Variants in HMGN5 observed in about 807,000 individuals in gnomAD.
HMGN5 encodes the protein high mobility group nucleosome-binding domain-containing protein 5.
A neutral mutation model predicts 9.5 loss-of-function variants in HMGN5; 4 were observed. That is an observed-to-expected ratio of 0.42 (90% confidence interval 0.21 to 0.96). The LOEUF is 0.96. HMGN5 is among the 40% of genes least tolerant of loss of function. The probability of loss-of-function intolerance (pLI) is 0.30; values close to 1 mark genes in which losing one functional copy is unlikely to be tolerated. For missense variants in HMGN5, 192 were observed against 187.5 expected, an observed-to-expected ratio of 1.02 and a Z score of -0.14; for synonymous variants, 55 against 57.1, an observed-to-expected ratio of 0.96 and a Z score of 0.16.
intron 1 of HMGN5, among the ~76,000 whole-genome samples, chrX:81,194,268 T>C (rs1027742512): frequency 9.0e-6 from 1 of 111,387 alleles, no homozygotes; most frequent in Non-Finnish European, 1.9e-5. Context: ...TCTGGAAAGA[T>C]TTCTTTAAAA....
At chrX:81,177,348 C>A (rs2075445307) in intron 1 of HMGN5, among the ~76,000 whole-genome samples, 1 of 43,533 alleles carries the variant, frequency 2.3e-5, no homozygotes, top group Non-Finnish European at 3.9e-5. Context: ...GGAGGAAGAT[C>A]TACCAAGCAA....
At chrX:81,185,214 A>G (rs761186254) in intron 1 of HMGN5, among the ~76,000 whole-genome samples, 2 of 111,945 alleles carry the variant, frequency 1.8e-5, no homozygotes, top group Non-Finnish European at 3.8e-5. Flanking sequence ...GGTGCTATGA[A>G]TATTTTAACA....
At chrX:81,201,661 C>A in intron 1 of HMGN5, 76 bp downstream of exon 1, 1 of 115,276 alleles carries the variant, frequency 8.7e-6, no homozygotes, top group Non-Finnish European at 1.8e-5. Context: ...CTACAACGAG[C>A]TAAGATCAGA....
chrX:81,177,296 T>G (rs964112117), intron 1 of HMGN5, among the ~76,000 whole-genome samples: 1 of 86,470 alleles, frequency 1.2e-5, no homozygotes, highest in African/African-American at 4.5e-5. Flanking sequence ...GACAAGCAAA[T>G]GCCAAGAGAT....
chrX:81,152,158 C>G (rs1188560309), intron 1 of HMGN5, among the ~76,000 whole-genome samples: 1 of 111,757 alleles, frequency 8.9e-6, no homozygotes, highest in African/African-American at 3.3e-5. Context: ...TCTAATTAAA[C>G]TAAAGAGCTT....
intron 1 of HMGN5, among the ~76,000 whole-genome samples, chrX:81,175,910 G>A (rs1437509352): frequency 4.5e-5 from 5 of 111,872 alleles, no homozygotes; most frequent in Non-Finnish European, 1.9e-5. Context: ...ACTGAGCTCT[G>A]AAGAGAGCAG....
chrX:81,153,583 C>CTCTCAA (rs2075373226), intron 1 of HMGN5, among the ~76,000 whole-genome samples: 1 of 6,142 alleles, frequency 1.6e-4, no homozygotes, highest in African/African-American at 5.6e-4. Context: ...CTCTCTCTCT[C>CTCTCAA]TATATATATA....
chrX:81,121,260 C>G (rs1352424998), intron 2 of HMGN5, among the ~76,000 whole-genome samples: 1 of 109,622 alleles, frequency 9.1e-6, no homozygotes, highest in Non-Finnish European at 1.9e-5. Flanking sequence ...GACAGCCCAG[C>G]GCTATGGCTG....
At position 81,185,830 on chromosome X, in the gene HMGN5, T is replaced by A. The variant is rs141101811; in HGVS notation, c.-124+15907A>T. Among the ~76,000 whole-genome samples, 980 of 111,802 alleles carry A rather than the reference T, an allele frequency of 8.8e-3. 11 individuals are homozygous for A. The highest frequency in any genetic ancestry group is 0.031 in the African/African-American group (946 of 30,841). ...TTAGGGTTTTTATCATGAAGGGATG[T>A]TGGATTTTTTTCAAATGCTTTTTTA... is the stretch of plus-strand genomic sequence containing the variant. On this transcript the variant is annotated intron_variant, in intron 1 of 6. Coordinates refer to ENST00000358130, the MANE Select transcript of HMGN5 (RefSeq NM_030763.3).
chrX:81,117,344 T>A (rs2075256700), intron 5 of HMGN5, among the ~76,000 whole-genome samples: 1 of 94,311 alleles, frequency 1.1e-5, no homozygotes, highest in Non-Finnish European at 2.0e-5. Context: ...AACCTCCTCC[T>A]CCCAGGCTCA....
In HMGN5 at chrX:81,114,574, T is replaced by C; in HGVS notation, c.*75A>G. 2.1e-6 allele frequency: 2 copies of C among 935,071 alleles called. No individual in the cohort carries two copies. Among genetic ancestry groups the C allele is most frequent in the South Asian group, 9.1e-5 (2 of 22,084 alleles). The allele number at this position is 935,071 out of a possible 1,213,427, so 77.1% of individuals were successfully genotyped here. On this transcript the variant is annotated 3_prime_UTR_variant, in exon 7 of 7. Coordinates refer to ENST00000358130, the MANE Select transcript of HMGN5 (RefSeq NM_030763.3). The stretch of plus-strand genomic sequence containing the variant: ...AAGGCTGTGTTTATAAAATTTTTGA[T>C]AAAAATATTTATCTCTATTAACTTT...
intron 1 of HMGN5, among the ~76,000 whole-genome samples, chrX:81,148,451 C>T (rs1401530798): frequency 9.0e-6 from 1 of 111,558 alleles, no homozygotes; most frequent in African/African-American, 3.3e-5. Context: ...AAACTGGATC[C>T]CTTCCTTACG....
At chrX:81,136,786 A>G (rs929334765) in intron 1 of HMGN5, among the ~76,000 whole-genome samples, 4 of 111,685 alleles carry the variant, frequency 3.6e-5, no homozygotes, top group Non-Finnish European at 1.9e-5. Flanking sequence ...ACATTACCCA[A>G]TGATATACTG....
At chrX:81,153,767 G>A (rs1006730009) in intron 1 of HMGN5, among the ~76,000 whole-genome samples, 4 of 101,062 alleles carry the variant, frequency 4.0e-5, no homozygotes, top group Non-Finnish European at 6.0e-5. Flanking sequence ...GTTTAAAAAA[G>A]TAATCCCATT....
At chrX:81,119,705 C>A in intron 3 of HMGN5, 83 bp downstream of exon 3, 1 of 782,411 alleles carries the variant, frequency 1.3e-6, no homozygotes, top group Middle Eastern at 2.8e-4. Flanking sequence ...ATATACCAAC[C>A]AGCATCTATT....
At chrX:81,145,079 G>A (rs2075339901) in intron 1 of HMGN5, among the ~76,000 whole-genome samples, 1 of 111,922 alleles carries the variant, frequency 8.9e-6, no homozygotes, top group Non-Finnish European at 1.9e-5. Context: ...CACTCTTAAG[G>A]ATATTATCCG....
intron 5 of HMGN5, among the ~76,000 whole-genome samples, 153 bp from the exon 6 acceptor site, chrX:81,116,494 A>C (rs2075254200): frequency 8.9e-6 from 1 of 112,756 alleles, no homozygotes; most frequent in Non-Finnish European, 1.9e-5. Flanking sequence ...TTATCATATA[A>C]TATCTTCATT....
chrX:81,121,695 G>A, intron 1 of HMGN5, 23 bp from the exon 2 acceptor site: 3 of 406,438 alleles, frequency 7.4e-6, no homozygotes, highest in Non-Finnish European at 4.3e-6. Flanking sequence ...AAAATCCCTC[G>A]TTATTGGCAA....
At chrX:81,126,558 C>T (rs1195070049) in intron 1 of HMGN5, among the ~76,000 whole-genome samples, 1 of 111,745 alleles carries the variant, frequency 8.9e-6, no homozygotes, top group East Asian at 2.8e-4. Flanking sequence ...CCCATGTTTT[C>T]TTCTTTCCCT....
Sources: allele counts gnomAD v4.1 joint callset (sites outside exome capture counted in the v4.1 genomes callset), GRCh38; gene constraint gnomAD v4.1.1; transcripts MANE v1.5; gene names NCBI Gene and HGNC (gene_info 2026-07-23, HGNC 2026-07-21).